The following DLG2 variants were observed in gnomAD, a reference collection of about 807,000 sequenced individuals.
DLG2 encodes disks large homolog 2.
Under a neutral mutation model 132.5 loss-of-function variants are expected in DLG2, and 45 were observed. The ratio of observed to expected loss-of-function variants is 0.34; its 90% CI spans 0.27 to 0.44. The LOEUF is 0.44. Ranked by LOEUF, DLG2 falls within the 20% of genes least tolerant of loss-of-function variation. DLG2 has a pLI of 1.00. For synonymous variants in DLG2, 424 were observed against 419.6 expected (o/e 1.01, Z -0.13); for missense variants, 1,045 against 1,196.9 (o/e 0.87, Z 1.87).
chr11:85,238,874 T>C (rs894647493), intron 4 of DLG2, among the ~76,000 whole-genome samples: 1 of 151,970 alleles, frequency 6.6e-6, no homozygotes, highest in African/African-American at 2.4e-5. Flanking sequence ...CTGAATTCAT[T>C]TATCTTGCAG....
At chr11:84,272,404 T>C (rs750567812) in intron 7 of DLG2, 6 of 324,438 alleles carry the variant, frequency 1.8e-5, no homozygotes, top group Non-Finnish European at 3.8e-5. Flanking sequence ...AAGACTCTTC[T>C]CTCATAGCTA....
At chr11:83,498,178 G>A (rs547486634) in intron 21 of DLG2, among the ~76,000 whole-genome samples, 2 of 152,028 alleles carry the variant, frequency 1.3e-5, no homozygotes, top group Non-Finnish European at 2.9e-5. Context: ...TTGGCTGTAT[G>A]ACTTTAGAAA....
At chr11:83,676,606 C>T (rs1471481448) in intron 18 of DLG2, among the ~76,000 whole-genome samples, 1 of 152,112 alleles carries the variant, frequency 6.6e-6, no homozygotes, top group Non-Finnish European at 1.5e-5. Context: ...TTATATCTTC[C>T]CAACCGCCTG....
chr11:84,680,626 C>A (rs2099726619), intron 6 of DLG2, among the ~76,000 whole-genome samples: 1 of 152,142 alleles, frequency 6.6e-6, no homozygotes, highest in Non-Finnish European at 1.5e-5. Context: ...TTGAAATAAA[C>A]TTTTGCTTTG....
intron 7 of DLG2, among the ~76,000 whole-genome samples, chr11:84,349,964 T>TC (rs1159298126): frequency 2.0e-5 from 3 of 151,686 alleles, no homozygotes; most frequent in Non-Finnish European, 4.4e-5. Flanking sequence ...GATCACGAGG[T>TC]CAGGAGATGG....
At chr11:83,507,328 T>C (rs1232160323) in intron 21 of DLG2, among the ~76,000 whole-genome samples, 4 of 151,512 alleles carry the variant, frequency 2.6e-5, no homozygotes, top group Non-Finnish European at 5.9e-5. Flanking sequence ...TCCTTAATAT[T>C]CTGTTCCTTT....
chr11:85,109,033 T>A (rs1173542559), intron 6 of DLG2, among the ~76,000 whole-genome samples: 4 of 144,646 alleles, frequency 2.8e-5, no homozygotes, highest in African/African-American at 1.1e-4. Flanking sequence ...GTTTGGTATA[T>A]CTCCAGTACA....
At chr11:83,757,312 A>G (rs543424698) in intron 18 of DLG2, among the ~76,000 whole-genome samples, 2 of 152,284 alleles carry the variant, frequency 1.3e-5, no homozygotes, top group East Asian at 3.9e-4. Flanking sequence ...AGTAACAGTG[A>G]ATTTATATAT....
rs1480109477 is a variant in DLG2, at chr11:84,341,959, A to C, written c.520-90668T>G. ...TAGTGGAGGAGATATGACATTTGGC[A>C]TCAAAAGAAAAGGATTCACATTCTT... On this transcript the variant is annotated intron_variant, in intron 7 of 27. Coordinates refer to ENST00000376104, the MANE Select transcript of DLG2 (RefSeq NM_001142699.3). 7.5e-4 allele frequency among the ~76,000 whole-genome samples: 115 copies of C among 152,360 alleles called. 1 individual carries two copies. The highest frequency in any genetic ancestry group is 2.1e-4 in the Non-Finnish European group (14 of 68,038).
intron 3 of DLG2, among the ~76,000 whole-genome samples, chr11:85,381,444 C>A (rs2085881206): frequency 6.6e-6 from 1 of 152,108 alleles, no homozygotes; most frequent in Non-Finnish European, 1.5e-5. Flanking sequence ...AGGAACGATA[C>A]AAGAATGGCT....
At chr11:84,927,890 T>C (rs902938635) in intron 6 of DLG2, among the ~76,000 whole-genome samples, 9 of 151,928 alleles carry the variant, frequency 5.9e-5, no homozygotes, top group African/African-American at 1.9e-4. Flanking sequence ...AAATTCTCCA[T>C]ACCCCAGACC....
intron 3 of DLG2, among the ~76,000 whole-genome samples, chr11:85,514,064 C>G (rs1598155243): frequency 6.6e-6 from 1 of 151,918 alleles, no homozygotes; most frequent in South Asian, 2.1e-4. Flanking sequence ...ATTTCAGACC[C>G]TTGCAGAGTA....
At chr11:83,659,883 T>C (rs1241174956) in intron 18 of DLG2, among the ~76,000 whole-genome samples, 2 of 152,230 alleles carry the variant, frequency 1.3e-5, no homozygotes, top group African/African-American at 4.8e-5. Flanking sequence ...ATCAAGTGTT[T>C]AAGGGGTCAT....
intron 3 of DLG2, among the ~76,000 whole-genome samples, chr11:85,458,796 T>A (rs552808575): frequency 2.0e-5 from 3 of 152,234 alleles, no homozygotes; most frequent in African/African-American, 7.2e-5. Flanking sequence ...TATTTCCTCA[T>A]GATTGCAGCC....
intron 3 of DLG2, among the ~76,000 whole-genome samples, chr11:85,311,088 T>A (rs955798299): frequency 6.6e-6 from 1 of 152,228 alleles, no homozygotes; most frequent in East Asian, 1.9e-4. Flanking sequence ...TCAAATGTTA[T>A]ATAATACAAA....
At chr11:84,969,885 G>A (rs1365413075) in intron 6 of DLG2, among the ~76,000 whole-genome samples, 1 of 152,146 alleles carries the variant, frequency 6.6e-6, no homozygotes, top group Non-Finnish European at 1.5e-5. Context: ...GATGAAGGTG[G>A]AAACCATCAT....
intron 6 of DLG2, among the ~76,000 whole-genome samples, chr11:84,735,828 T>C (rs1174284636): frequency 6.6e-6 from 1 of 152,136 alleles, no homozygotes; most frequent in African/African-American, 2.4e-5. Context: ...ATTAGATATA[T>C]GTTGCATATA....
At chr11:85,094,581 C>A (rs6592231) in intron 6 of DLG2, among the ~76,000 whole-genome samples, 2 of 152,126 alleles carry the variant, frequency 1.3e-5, no homozygotes, top group Non-Finnish European at 2.9e-5. Flanking sequence ...TTCCTTAAAC[C>A]TCATGAAGCA....
intron 6 of DLG2, among the ~76,000 whole-genome samples, chr11:85,021,958 G>A (rs1555342894): frequency 6.6e-6 from 1 of 152,018 alleles, no homozygotes; most frequent in Non-Finnish European, 1.5e-5. Flanking sequence ...AAAATTCTCT[G>A]AACACAGTAA....
Sources: allele counts gnomAD v4.1 joint callset (sites outside exome capture counted in the v4.1 genomes callset), GRCh38; gene constraint gnomAD v4.1.1; transcripts MANE v1.5; gene names NCBI Gene and HGNC (gene_info 2026-07-23, HGNC 2026-07-21).